The following FLT1 variants were observed in gnomAD, a reference collection of about 807,000 sequenced individuals.
FLT1 encodes vascular endothelial growth factor receptor 1.
A neutral mutation model predicts 156.3 loss-of-function variants in FLT1; 49 were observed. That is an observed-to-expected ratio of 0.31 (90% confidence interval 0.25 to 0.40). The LOEUF (loss-of-function observed/expected upper bound fraction) is 0.40, where lower values mean the gene tolerates loss of function less well. FLT1 is among the 10% of genes least tolerant of loss of function. The probability of loss-of-function intolerance (pLI) is 1.00; values close to 1 mark genes in which losing one functional copy is unlikely to be tolerated. For synonymous variants in FLT1, 594 were observed against 583.8 expected, an observed-to-expected ratio of 1.02 and a Z score of -0.25; for missense variants, 1,322 against 1,637.2, an observed-to-expected ratio of 0.81 and a Z score of 3.32.
intron 11 of FLT1, among the ~76,000 whole-genome samples, chr13:28,401,788 G>A (rs1461035910): frequency 6.6e-6 from 1 of 152,176 alleles, no homozygotes; most frequent in Non-Finnish European, 1.5e-5. Flanking sequence ...TCTGTGGTTA[G>A]GATTCTTGCT....
chr13:28,376,443 T>C (rs147257498), intron 14 of FLT1, among the ~76,000 whole-genome samples: 2 of 152,378 alleles, frequency 1.3e-5, no homozygotes, highest in East Asian at 3.8e-4. Context: ...AGTTTGATGA[T>C]GGTTTATTGG....
At chr13:28,319,637 A>G (rs1871359127) in intron 23 of FLT1, 103 bp from the exon 24 acceptor site, 2 of 717,886 alleles carry the variant, frequency 2.8e-6, no homozygotes. Flanking sequence ...CGGCCTATAA[A>G]TCATTTCCGA....
chr13:28,305,430 G>A (rs1391768146), intron 29 of FLT1, among the ~76,000 whole-genome samples: 1 of 151,944 alleles, frequency 6.6e-6, no homozygotes, highest in Non-Finnish European at 1.5e-5. Flanking sequence ...TTGCCATGTT[G>A]CTCCCGGGCT....
intron 15 of FLT1, among the ~76,000 whole-genome samples, chr13:28,346,830 G>A (rs1872584479): frequency 2.0e-5 from 3 of 152,090 alleles, no homozygotes; most frequent in Non-Finnish European, 4.4e-5. Flanking sequence ...CTAATTTGCT[G>A]AGCACTTATT....
chr13:28,334,513 A>T (rs1286496652), intron 17 of FLT1, among the ~76,000 whole-genome samples: 1 of 152,076 alleles, frequency 6.6e-6, no homozygotes, highest in Non-Finnish European at 1.5e-5. Flanking sequence ...TTCTTTTTCC[A>T]TTTACAGTCA....
intron 29 of FLT1, 135 bp from the exon 30 acceptor site, chr13:28,303,503 C>CG (rs58958637): frequency 3.0e-5 from 23 of 760,004 alleles, no homozygotes; most frequent in Admixed American, 1.0e-4. Flanking sequence ...CCCCCCCCCC[C>CG]TCAATTGCTG....
chr13:28,373,472 G>A (rs1873710972), intron 14 of FLT1, among the ~76,000 whole-genome samples: 1 of 152,002 alleles, frequency 6.6e-6, no homozygotes, highest in Non-Finnish European at 1.5e-5. Flanking sequence ...TAATTGAATT[G>A]GGCATAGTGG....
At chr13:28,438,408 C>T (rs1012232432) in intron 3 of FLT1, 63 bp from the exon 4 acceptor site, 8 of 1,316,450 alleles carry the variant, frequency 6.1e-6, no homozygotes, top group Non-Finnish European at 8.7e-6. Flanking sequence ...CATCTAGACA[C>T]TGTAGCTAGT....
intron 4 of FLT1, among the ~76,000 whole-genome samples, chr13:28,437,458 C>T (rs936043744): frequency 2.1e-4 from 32 of 152,148 alleles, no homozygotes; most frequent in African/African-American, 7.5e-4. Flanking sequence ...TGCTCTGGGG[C>T]GGACTTGACT....
chr13:28,446,257 T>C (rs948810927), intron 3 of FLT1, among the ~76,000 whole-genome samples: 1 of 152,194 alleles, frequency 6.6e-6, no homozygotes, highest in Non-Finnish European at 1.5e-5. Flanking sequence ...AAGACATCGT[T>C]GTCCACCCTC....
intron 19 of FLT1, among the ~76,000 whole-genome samples, chr13:28,327,756 C>CAAAAAAAAAAA (rs56031277): frequency 8.1e-6 from 1 of 122,792 alleles, no homozygotes; most frequent in African/African-American, 3.1e-5. Flanking sequence ...AATTGAAATA[C>CAAAAAAAAAAA]AAAAAAAAAA....
intron 14 of FLT1, among the ~76,000 whole-genome samples, chr13:28,372,105 A>G (rs189567182): frequency 0.023 from 1,223 of 54,090 alleles, 32 homozygotes; most frequent in African/African-American, 0.097. Context: ...TTTTTGAGAC[A>G]GAGTCTCGCT....
At chr13:28,432,217 T>C (rs1020020341) in intron 6 of FLT1, among the ~76,000 whole-genome samples, 3 of 152,068 alleles carry the variant, frequency 2.0e-5, no homozygotes, top group Non-Finnish European at 4.4e-5. Context: ...AAAATGTCTT[T>C]GGGAGCTGTC....
intron 14 of FLT1, among the ~76,000 whole-genome samples, chr13:28,364,843 T>C (rs564768014): frequency 2.1e-4 from 32 of 152,324 alleles, no homozygotes; most frequent in African/African-American, 7.7e-4. Context: ...AGTTAAATTA[T>C]GATTGCTTGA....
In FLT1 at chr13:28,408,437, T is replaced by C. The variant is rs549513031; in HGVS notation, c.1437-2543A>G. 2.5e-4 allele frequency among the ~76,000 whole-genome samples: 38 copies of C among 152,286 alleles called. No individual in the cohort carries two copies. The East Asian group carries it at 7.1e-3, about 29-fold the overall frequency. On this transcript the variant is annotated intron_variant, in intron 10 of 29. Coordinates refer to ENST00000282397, the MANE Select transcript of FLT1 (RefSeq NM_002019.4). ...TGGCTATTTTCTAATTTAGGGGCTG[T>C]TATTTTTCCCTCTTTGTAATTGGGG...
chr13:28,315,705 G>A (rs1212881921), intron 25 of FLT1, among the ~76,000 whole-genome samples: 1 of 152,080 alleles, frequency 6.6e-6, no homozygotes, highest in East Asian at 1.9e-4. Flanking sequence ...TAGTGTAATT[G>A]AGAACTTTCT....
At chr13:28,352,375 G>A (rs752235426) in intron 15 of FLT1, among the ~76,000 whole-genome samples, 2 of 152,074 alleles carry the variant, frequency 1.3e-5, no homozygotes, top group Non-Finnish European at 2.9e-5. Context: ...TAATTACATG[G>A]TCCCAGGCCC....
Position 28,494,848 on chromosome 13 carries a change from AGCGC to A in FLT1, c.-9_-6del, listed in dbSNP as rs1566064635. Reference sequence around the variant, plus strand: ...GGTGTCCCAGTAGCTGACCATGGTGAGCGCGACGCGGCCTGCTCGCCCGGTGCCC... The same window carrying A: ...GGTGTCCCAGTAGCTGACCATGGTGAGACGCGGCCTGCTCGCCCGGTGCCC... On this transcript the variant is annotated 5_prime_UTR_variant, in exon 1 of 30. Transcript: ENST00000282397. The A allele has an allele frequency of 3.2e-6, 5 of 1,551,822 alleles. No individual in the cohort carries two copies. The highest frequency in any genetic ancestry group is 4.3e-6 in the Non-Finnish European group (5 of 1,155,076).
intron 20 of FLT1, among the ~76,000 whole-genome samples, chr13:28,323,878 A>G (rs994677673): frequency 1.3e-5 from 2 of 152,116 alleles, no homozygotes; most frequent in Admixed American, 1.3e-4. Context: ...GGGAACATGG[A>G]CATTGCTTTT....
Sources: allele counts gnomAD v4.1 joint callset (sites outside exome capture counted in the v4.1 genomes callset), GRCh38; gene constraint gnomAD v4.1.1; transcripts MANE v1.5; gene names NCBI Gene and HGNC (gene_info 2026-07-23, HGNC 2026-07-21).